MRTFA: variants seen among roughly 807,000 people sequenced by gnomAD.
The protein encoded by MRTFA is myocardin related transcription factor A, also known as myocardin-related transcription factor A.
In MRTFA, 20 loss-of-function variants were observed where a neutral mutation model predicts 83.5. The ratio of observed to expected loss-of-function variants is 0.24; its 90% CI spans 0.17 to 0.35. The LOEUF is 0.35. Among genes scored for constraint, MRTFA ranks in the 10% least tolerant of loss-of-function variants. MRTFA has a pLI of 1.00. For missense variants in MRTFA, 1,200 were observed against 1,224.7 expected (o/e 0.98, Z 0.30); for synonymous variants, 659 against 541.2 (o/e 1.22, Z -3.02).
chr22:40,636,167 G>C (rs1399827534), intron 1 of MRTFA, among the ~76,000 whole-genome samples: 1 of 152,184 alleles, frequency 6.6e-6, no homozygotes, highest in African/African-American at 2.4e-5. Flanking sequence ...CATCCCGGGA[G>C]AAGCGAGGGC....
intron 3 of MRTFA, among the ~76,000 whole-genome samples, chr22:40,549,507 C>A (rs926478665): frequency 9.9e-5 from 15 of 152,158 alleles, no homozygotes; most frequent in African/African-American, 2.4e-5. Context: ...GGTTTAAAAA[C>A]TAACCACAGT....
chr22:40,487,541 C>T (rs1301510112), intron 3 of MRTFA, among the ~76,000 whole-genome samples: 2 of 152,188 alleles, frequency 1.3e-5, no homozygotes, highest in Non-Finnish European at 2.9e-5. Context: ...TAGCTGCCTA[C>T]CACAAAAAGG....
At chr22:40,503,808 G>C in intron 3 of MRTFA, among the ~76,000 whole-genome samples, 1 of 152,144 alleles carries the variant, frequency 6.6e-6, no homozygotes. Context: ...TGTAATCCCA[G>C]CTACTCAGGA....
chr22:40,636,007 C>A (rs993497376), intron 1 of MRTFA, among the ~76,000 whole-genome samples: 2 of 152,196 alleles, frequency 1.3e-5, no homozygotes, highest in Middle Eastern at 3.2e-3. Flanking sequence ...GAGCCCTGTA[C>A]ACCTGGCAGC....
intron 2 of MRTFA, among the ~76,000 whole-genome samples, chr22:40,568,356 G>C (rs2055736321): frequency 6.6e-6 from 1 of 152,170 alleles, no homozygotes; most frequent in Non-Finnish European, 1.5e-5. Flanking sequence ...ACAGTACAGA[G>C]TTTGTGTTAA....
rs1176794172 is a variant in MRTFA at position 40,634,772 on chromosome 22, T to C, written c.-84+1706A>G. On this transcript the variant is annotated intron_variant, in intron 1 of 14. Transcript: ENST00000355630. ...ACGGGTGACCCAAACTTTATGGTTT[T>C]GCCCTTTATAGGCTGAGATTCTATT... Among the ~76,000 whole-genome samples, 4 of 152,256 alleles carry C rather than the reference T, an allele frequency of 2.6e-5. No homozygotes were observed. The East Asian group carries it at 7.7e-4, about 29-fold the overall frequency.
intron 3 of MRTFA, among the ~76,000 whole-genome samples, chr22:40,514,476 T>C (rs1156550942): frequency 7.0e-6 from 1 of 142,236 alleles, no homozygotes; most frequent in Non-Finnish European, 1.5e-5. Flanking sequence ...CCTCCTACAT[T>C]TTTTTTTTTT....
At chr22:40,455,421 C>T (rs183190526) in intron 4 of MRTFA, among the ~76,000 whole-genome samples, 3,493 of 151,640 alleles carry the variant, frequency 0.023, 146 homozygotes, top group African/African-American at 0.081. Flanking sequence ...CTGAGGCGGG[C>T]GGATCACGAG....
intron 2 of MRTFA, among the ~76,000 whole-genome samples, chr22:40,560,551 C>T (rs1405630752): frequency 6.6e-6 from 1 of 152,194 alleles, no homozygotes; most frequent in East Asian, 1.9e-4. Context: ...GTCCCCTTTA[C>T]CAATTCCTGA....
intron 4 of MRTFA, among the ~76,000 whole-genome samples, chr22:40,459,239 CAAAAA>C (rs59958160): frequency 2.3e-5 from 2 of 87,120 alleles, no homozygotes; most frequent in African/African-American, 8.7e-5. Flanking sequence ...AGGGGTCTGG[CAAAAA>C]AAAAAAAAAA....
rs112670502 is a variant in MRTFA at position 40,619,664 on chromosome 22, C to G, written c.-84+16814G>C. On this transcript the variant is annotated intron_variant, in intron 1 of 14. Coordinates refer to ENST00000355630, the MANE Select transcript of MRTFA (RefSeq NM_020831.6). ...CAGCACTTTGGGAGGCCGAGACGGG[C>G]GGATCACGAGGTCAGGAGATCGAGA... is the stretch of plus-strand genomic sequence containing the variant. 2.0e-5 allele frequency among the ~76,000 whole-genome samples: 3 copies of G among 151,780 alleles called. 1 individual carries two copies. Among genetic ancestry groups the G allele is most frequent in the Admixed American group, 2.0e-4 (3 of 15,222 alleles).
intron 1 of MRTFA, among the ~76,000 whole-genome samples, chr22:40,620,004 C>G (rs1022945272): frequency 3.3e-5 from 5 of 151,540 alleles, no homozygotes; most frequent in African/African-American, 1.2e-4. Flanking sequence ...GTCTCCCAGG[C>G]TGGAGTGCAG....
chr22:40,499,047 C>T (rs1284071011), intron 3 of MRTFA, among the ~76,000 whole-genome samples: 1 of 151,770 alleles, frequency 6.6e-6, no homozygotes, highest in Non-Finnish European at 1.5e-5. Flanking sequence ...AATGATGTCC[C>T]ACAACACAGA....
At chr22:40,423,051 C>T (rs1285027373) in intron 9 of MRTFA, among the ~76,000 whole-genome samples, 1 of 152,200 alleles carries the variant, frequency 6.6e-6, no homozygotes, top group Admixed American at 6.5e-5. Flanking sequence ...CAGCAGACAC[C>T]TCAGTCCATG....
intron 2 of MRTFA, chr22:40,570,005 A>C (rs1239621315): frequency 6.6e-6 from 1 of 152,668 alleles, no homozygotes; most frequent in African/African-American, 2.4e-5. Context: ...AATAATAAAA[A>C]TTCACTGGAA....
chr22:40,456,246 T>A (rs2053584731), intron 4 of MRTFA, among the ~76,000 whole-genome samples: 1 of 152,180 alleles, frequency 6.6e-6, no homozygotes, highest in Non-Finnish European at 1.5e-5. Flanking sequence ...CTTATAATTT[T>A]TAGCAGGGGG....
Position 40,416,338 on chromosome 22 carries a change from A to G in MRTFA, c.2578+648T>C, listed in dbSNP as rs566443458. 1.4e-4 allele frequency among the ~76,000 whole-genome samples: 21 copies of G among 152,192 alleles called. No individual in the cohort carries two copies. The East Asian group carries it at 3.5e-3, about 25-fold the overall frequency. On this transcript the variant is annotated intron_variant, in intron 14 of 14. Coordinates refer to ENST00000355630, the MANE Select transcript of MRTFA (RefSeq NM_020831.6). The surrounding 1 kb of genome is among the most constrained non-coding windows in gnomAD (Gnocchi z 4.2). ...AGCCCAGCTCTCCAGTCGCCCCCCA[A>G]CCTGGGGCTCCCTGCTTCTGCCCTT...
At chr22:40,525,684 G>C (rs953152415) in intron 3 of MRTFA, among the ~76,000 whole-genome samples, 3 of 152,092 alleles carry the variant, frequency 2.0e-5, no homozygotes, top group Non-Finnish European at 4.4e-5. Flanking sequence ...GCTCTATACT[G>C]TAGTGCCTCT....
At chr22:40,598,166 G>C (rs904272235) in intron 1 of MRTFA, among the ~76,000 whole-genome samples, 3 of 152,062 alleles carry the variant, frequency 2.0e-5, no homozygotes, top group Non-Finnish European at 4.4e-5. Context: ...AAAGTTGTCA[G>C]ACAATGTTAT....
Sources: allele counts gnomAD v4.1 joint callset (sites outside exome capture counted in the v4.1 genomes callset), GRCh38; gene constraint gnomAD v4.1.1; non-coding constraint Gnocchi (gnomAD v3.1); transcripts MANE v1.5; gene names NCBI Gene and HGNC (gene_info 2026-07-23, HGNC 2026-07-21).